PDZK1: variants seen among roughly 807,000 people sequenced by gnomAD.
PDZK1 encodes the protein PDZ domain containing 1.
Under a neutral mutation model 38.1 loss-of-function variants are expected in PDZK1, and 23 were observed. That is an observed-to-expected ratio of 0.60 (90% confidence interval 0.43 to 0.85). The LOEUF is 0.85. Among genes scored for constraint, PDZK1 ranks in the 40% least tolerant of loss-of-function variants. The pLI, the probability that PDZK1 is intolerant of heterozygous loss-of-function variation, is 0.00. For missense variants in PDZK1, 297 were observed against 504.3 expected (o/e 0.59, Z 3.94); for synonymous variants, 98 against 186.2 (o/e 0.53, Z 3.86).
chr1:145,697,282 A>G lies in PDZK1; in HGVS notation c.-2-9259T>C, dbSNP rs958615448. Among the ~76,000 whole-genome samples the G allele has an allele frequency of 4.0e-5, 6 of 151,452 alleles. No homozygotes were observed. The South Asian group carries it at 8.4e-4, about 21-fold the overall frequency. Reference sequence around the variant, plus strand: ...GCAGTGGTTGCGGTGAGCCGAGATCACACCACTGCACTCTAGTCTGGGCAA... The same window carrying G: ...GCAGTGGTTGCGGTGAGCCGAGATCGCACCACTGCACTCTAGTCTGGGCAA... On this transcript the variant is annotated intron_variant, in intron 1 of 8. Transcript: ENST00000417171.
chr1:145,696,036 C>T (rs1399339106), intron 1 of PDZK1, among the ~76,000 whole-genome samples: 1 of 152,214 alleles, frequency 6.6e-6, no homozygotes, highest in Non-Finnish European at 1.5e-5. Flanking sequence ...TGCCACTCTT[C>T]CTAATGATGG....
chr1:145,677,079 G>T (rs1431865044), intron 6 of PDZK1, among the ~76,000 whole-genome samples: 1 of 152,148 alleles, frequency 6.6e-6, no homozygotes, highest in Admixed American at 6.5e-5. Flanking sequence ...TCCAAGTATG[G>T]TCTGACCAAG....
chr1:145,693,411 G>A (rs1655397625), intron 1 of PDZK1, among the ~76,000 whole-genome samples: 2 of 151,986 alleles, frequency 1.3e-5, no homozygotes, highest in Admixed American at 1.3e-4. Context: ...CGATGCTTAG[G>A]CCCCACCTCA....
chr1:145,698,509 A>AAT (rs1244003854), intron 1 of PDZK1, among the ~76,000 whole-genome samples: 5 of 151,996 alleles, frequency 3.3e-5, no homozygotes, highest in African/African-American at 4.8e-5. Context: ...CTTAGGTTAA[A>AAT]ATATATATAT....
At chr1:145,685,271 T>G (rs1401377803) in intron 3 of PDZK1, among the ~76,000 whole-genome samples, 4 of 152,142 alleles carry the variant, frequency 2.6e-5, no homozygotes, top group Admixed American at 1.3e-4. Context: ...TGCTAATGAC[T>G]ACATAAATCA....
At chr1:145,680,527 CTG>C (rs1366620096) in intron 5 of PDZK1, among the ~76,000 whole-genome samples, 2 of 152,020 alleles carry the variant, frequency 1.3e-5, no homozygotes, top group African/African-American at 2.4e-5. Context: ...AAAGCCAATT[CTG>C]TGCAACACTT....
At chr1:145,688,149 T>C (rs983231046) in intron 1 of PDZK1, 126 bp from the exon 2 acceptor site, 1 of 804,978 alleles carries the variant, frequency 1.2e-6, no homozygotes, top group Non-Finnish European at 2.1e-6. Context: ...TGGGTAGTAA[T>C]GCTGGGGGCA....
At chr1:145,702,377 A>G (rs1034329817) in intron 1 of PDZK1, among the ~76,000 whole-genome samples, 7 of 152,034 alleles carry the variant, frequency 4.6e-5, no homozygotes, top group Non-Finnish European at 8.8e-5. Context: ...CAGAGAGAGG[A>G]CACCCTCATG....
chr1:145,698,050 A>G (rs1363414804), intron 1 of PDZK1, among the ~76,000 whole-genome samples: 4 of 152,048 alleles, frequency 2.6e-5, no homozygotes, highest in Admixed American at 1.3e-4. Flanking sequence ...GAAGAGAAGT[A>G]GAAAAAAATA....
At chr1:145,693,165 G>A (rs943904209) in intron 1 of PDZK1, among the ~76,000 whole-genome samples, 6 of 152,278 alleles carry the variant, frequency 3.9e-5, no homozygotes, top group South Asian at 4.1e-4. Context: ...CATCTCCTCA[G>A]TCCTAGTTGT....
intron 1 of PDZK1, among the ~76,000 whole-genome samples, chr1:145,703,235 C>T (rs587667815): frequency 2.1e-4 from 32 of 152,254 alleles, no homozygotes; most frequent in African/African-American, 7.0e-4. Flanking sequence ...ATACCTACTG[C>T]GAGGCAGGTA....
rs1278834424 is a variant in PDZK1 at position 145,671,368 on chromosome 1, G to A, written c.*68C>T. On this transcript the variant is annotated 3_prime_UTR_variant, in exon 9 of 9. Coordinates refer to ENST00000417171, the MANE Select transcript of PDZK1 (RefSeq NM_001201325.2). ...AAACAGGTCACAACTCATTCCTTGA[G>A]AAAGGATTCCTATTAAATACCCAGA... is the stretch of plus-strand genomic sequence containing the variant. 94 of 1,606,230 alleles carry A rather than the reference G, an allele frequency of 5.9e-5. No individual in the cohort carries two copies. The highest frequency in any genetic ancestry group is 7.7e-5 in the Non-Finnish European group (91 of 1,176,288).
At chr1:145,674,797 T>G (rs1443512358) in intron 6 of PDZK1, among the ~76,000 whole-genome samples, 2 of 152,100 alleles carry the variant, frequency 1.3e-5, no homozygotes, top group Admixed American at 1.3e-4. Context: ...CCAATTCCCC[T>G]AATTAATCTC....
At chr1:145,674,665 CAG>C (rs1430575352) in intron 6 of PDZK1, among the ~76,000 whole-genome samples, 5 of 152,038 alleles carry the variant, frequency 3.3e-5, no homozygotes, top group Admixed American at 2.0e-4. Context: ...GACTGCCAAT[CAG>C]GGGTGATGCC....
chr1:145,678,930 A>G (rs1653978292), intron 5 of PDZK1, among the ~76,000 whole-genome samples: 1 of 150,682 alleles, frequency 6.6e-6, no homozygotes, highest in Non-Finnish European at 1.5e-5. Flanking sequence ...TTTTGGCAAA[A>G]TAGCATATTA....
intron 3 of PDZK1, among the ~76,000 whole-genome samples, chr1:145,684,488 G>T (rs587626778): frequency 7.3e-5 from 11 of 151,402 alleles, no homozygotes; most frequent in Non-Finnish European, 8.8e-5. Flanking sequence ...GATTACAGGC[G>T]TGAGCCACTG....
At chr1:145,691,576 A>G (rs1480212615) in intron 1 of PDZK1, among the ~76,000 whole-genome samples, 2 of 152,212 alleles carry the variant, frequency 1.3e-5, no homozygotes, top group African/African-American at 4.8e-5. Context: ...ATGAAGGCCT[A>G]TGGATTTCTA....
At chr1:145,695,737 G>C (rs1571631973) in intron 1 of PDZK1, among the ~76,000 whole-genome samples, 1 of 152,138 alleles carries the variant, frequency 6.6e-6, no homozygotes, top group East Asian at 1.9e-4. Flanking sequence ...GGCCAGGTAA[G>C]AGGCTGTTGT....
chr1:145,696,002 C>T (rs1655605972), intron 1 of PDZK1, among the ~76,000 whole-genome samples: 1 of 152,124 alleles, frequency 6.6e-6, no homozygotes, highest in Admixed American at 6.5e-5. Flanking sequence ...TGTGCAGCAC[C>T]CAGTGTCAGG....
Sources: allele counts gnomAD v4.1 joint callset (sites outside exome capture counted in the v4.1 genomes callset), GRCh38; gene constraint gnomAD v4.1.1; transcripts MANE v1.5; gene names NCBI Gene and HGNC (gene_info 2026-07-23, HGNC 2026-07-21).